CCBE1: variants seen among roughly 807,000 people sequenced by gnomAD.
CCBE1 encodes collagen and calcium binding EGF domains 1.
CCBE1 carries 37 observed loss-of-function variants against 50.0 expected under a neutral mutation model. The ratio of observed to expected loss-of-function variants is 0.74; its 90% CI spans 0.57 to 0.97. The LOEUF is 0.97. Ranked by LOEUF, CCBE1 falls within the 50% of genes least tolerant of loss-of-function variation. The probability of loss-of-function intolerance (pLI) is 0.00; values close to 1 mark genes in which losing one functional copy is unlikely to be tolerated. For synonymous variants in CCBE1, 234 were observed against 203.7 expected (o/e 1.15, Z -1.27); for missense variants, 538 against 523.8 (o/e 1.03, Z -0.26).
Position 59,439,541 on chromosome 18 carries a change from A to G in CCBE1, c.951+2T>C. 1 of 1,614,250 alleles carries G rather than the reference A, an allele frequency of 6.2e-7. No individual in the cohort carries two copies. The highest frequency in any genetic ancestry group is 8.5e-7 in the Non-Finnish European group (1 of 1,180,034). On this transcript the variant is annotated splice_donor_variant, in intron 9 of 10. Transcript: ENST00000439986. LOFTEE classifies it high-confidence loss of function. ...CTTGTGAGGACCACTCATAAGGCTTACCTTAGAACCATCTCTTCCTGGTGC... is the reference window on the plus strand; with the variant it reads ...CTTGTGAGGACCACTCATAAGGCTTGCCTTAGAACCATCTCTTCCTGGTGC...
intron 5 of CCBE1, among the ~76,000 whole-genome samples, chr18:59,466,338 G>A (rs992839681): frequency 6.6e-6 from 1 of 151,882 alleles, no homozygotes; most frequent in African/African-American, 2.4e-5. Flanking sequence ...CAGTTCTCCG[G>A]TACACGTTCT....
At chr18:59,437,057 T>C (rs1427141921) in intron 10 of CCBE1, among the ~76,000 whole-genome samples, 3 of 152,168 alleles carry the variant, frequency 2.0e-5, no homozygotes, top group Non-Finnish European at 2.9e-5. Context: ...CTAAATGAAG[T>C]TGAGAGGATG....
At chr18:59,476,924 G>A (rs985738419) in intron 3 of CCBE1, among the ~76,000 whole-genome samples, 1 of 152,144 alleles carries the variant, frequency 6.6e-6, no homozygotes, top group Non-Finnish European at 1.5e-5. Context: ...AGTGGGAGTG[G>A]CACCACTCAC....
intron 2 of CCBE1, among the ~76,000 whole-genome samples, chr18:59,639,940 G>A (rs140941547): frequency 6.6e-6 from 1 of 152,214 alleles, no homozygotes; most frequent in African/African-American, 2.4e-5. Context: ...TGAACAGGGA[G>A]GTGAAAGATC....
chr18:59,500,227 G>T (rs537054036), intron 2 of CCBE1, among the ~76,000 whole-genome samples: 12 of 152,328 alleles, frequency 7.9e-5, no homozygotes, highest in African/African-American at 2.9e-4. Context: ...CACACAGCAG[G>T]ATGCTTTCCC....
At chr18:59,541,961 G>T (rs1448599247) in intron 2 of CCBE1, among the ~76,000 whole-genome samples, 1 of 152,116 alleles carries the variant, frequency 6.6e-6, no homozygotes, top group Non-Finnish European at 1.5e-5. Context: ...TGGATAGCTT[G>T]AGCCCAGGAG....
Position 59,447,988 on chromosome 18 carries a change from G to A in CCBE1, c.770C>T (p.Pro257Leu). ...GPPGLPGGQG[P>L]PGSPGPKGSP... ...GTGCCCTCTTCCACACTCACCGGGA[G>A]GGCCCTGGCCCCCAGGCAGGCCAGG... The change falls in exon 7 of 11, where the codon CCT becomes CTT. Residue 257 changes from proline (P) to leucine (L), a missense_variant. Pro to Leu is a moderately conservative substitution (Grantham distance 98). Coordinates refer to ENST00000439986, the MANE Select transcript of CCBE1 (RefSeq NM_133459.4). The A allele has an allele frequency of 6.2e-7, 1 of 1,614,182 alleles. No individual in the cohort carries two copies. Among genetic ancestry groups the A allele is most frequent in the South Asian group, 1.1e-5 (1 of 91,076 alleles).
intron 4 of CCBE1, among the ~76,000 whole-genome samples, chr18:59,469,122 C>T (rs630722): frequency 0.75 from 113,406 of 152,136 alleles, 42,548 homozygotes; most frequent in East Asian, 0.99. Context: ...TTTTCCCCAA[C>T]CATCTTCTAA....
At chr18:59,550,811 G>C (rs540631750) in intron 2 of CCBE1, among the ~76,000 whole-genome samples, 1 of 151,774 alleles carries the variant, frequency 6.6e-6, no homozygotes, top group South Asian at 2.1e-4. Context: ...GGAGGATCAC[G>C]AAGTCAGGAG....
At chr18:59,635,231 C>A (rs141887971) in intron 2 of CCBE1, among the ~76,000 whole-genome samples, 2 of 152,166 alleles carry the variant, frequency 1.3e-5, no homozygotes, top group Non-Finnish European at 2.9e-5. Flanking sequence ...TGATGGGAAG[C>A]CCCTAGCAAT....
intron 2 of CCBE1, among the ~76,000 whole-genome samples, chr18:59,580,892 G>A (rs2053074737): frequency 6.6e-6 from 1 of 152,190 alleles, no homozygotes; most frequent in Admixed American, 6.5e-5. Flanking sequence ...GGGGGGCCTG[G>A]CTTGCGACTT....
intron 7 of CCBE1, among the ~76,000 whole-genome samples, chr18:59,446,912 G>A (rs1910697078): frequency 6.6e-6 from 1 of 152,228 alleles, no homozygotes; most frequent in Non-Finnish European, 1.5e-5. Flanking sequence ...AGCAATGATA[G>A]CCAGGGATAA....
chr18:59,561,277 G>A (rs1457296102), intron 2 of CCBE1, among the ~76,000 whole-genome samples: 2 of 152,174 alleles, frequency 1.3e-5, no homozygotes, highest in Non-Finnish European at 2.9e-5. Flanking sequence ...TTATGTGTCA[G>A]GTTTATATGT....
intron 2 of CCBE1, among the ~76,000 whole-genome samples, chr18:59,654,417 C>G (rs116277727): frequency 0.025 from 3,829 of 152,076 alleles, 173 homozygotes; most frequent in African/African-American, 0.087. Context: ...CTTGAGGTCA[C>G]GAGTTCGAAA....
rs1598925203 is a variant in CCBE1 at position 59,466,986 on chromosome 18, T to C, written c.401-95A>G. On this transcript the variant is annotated intron_variant, in intron 4 of 10. Transcript: ENST00000439986. Reference sequence around the variant, plus strand: ...GGCTTTGCCTCTCTGTTAATAACAATGAAGGACACTTGGGCCGACCTTGAT... The same window carrying C: ...GGCTTTGCCTCTCTGTTAATAACAACGAAGGACACTTGGGCCGACCTTGAT... 4.5e-6 allele frequency: 5 copies of C among 1,120,104 alleles called. No individual in the cohort carries two copies. In the East Asian group the frequency reaches 7.3e-5, roughly 16 times the overall value. The allele number at this position is 1,120,104 out of a possible 1,614,324, so 69.4% of individuals were successfully genotyped here. A position where few individuals can be genotyped will look rare whatever the true frequency, so the allele number is the denominator to read the frequency against.
intron 2 of CCBE1, among the ~76,000 whole-genome samples, chr18:59,693,788 T>C (rs2054768300): frequency 1.3e-5 from 2 of 152,048 alleles, no homozygotes; most frequent in South Asian, 4.1e-4. Context: ...GATTAGGATG[T>C]TTATTCCACA....
intron 2 of CCBE1, among the ~76,000 whole-genome samples, chr18:59,514,091 C>G (rs1252318188): frequency 6.6e-6 from 1 of 152,206 alleles, no homozygotes; most frequent in Non-Finnish European, 1.5e-5. Flanking sequence ...CACCATATGC[C>G]TATCGCAAAT....
rs185587144 is a variant in CCBE1 at position 59,669,725 on chromosome 18, G to A, written c.212+26904C>T. On this transcript the variant is annotated intron_variant, in intron 2 of 10. Coordinates refer to ENST00000439986, the MANE Select transcript of CCBE1 (RefSeq NM_133459.4). ...TTCAGGTTCCCTCACATCTCTCCCCGAACTTCCGGAGGGGCACTGGAGTTA... is the reference window on the plus strand; with the variant it reads ...TTCAGGTTCCCTCACATCTCTCCCCAAACTTCCGGAGGGGCACTGGAGTTA... Among the ~76,000 whole-genome samples, 20 of 152,304 alleles carry A rather than the reference G, an allele frequency of 1.3e-4. No homozygotes were observed. In the East Asian group the frequency reaches 3.1e-3, roughly 24 times the overall value.
At chr18:59,527,953 T>C (rs1914894506) in intron 2 of CCBE1, among the ~76,000 whole-genome samples, 1 of 152,188 alleles carries the variant, frequency 6.6e-6, no homozygotes, top group Admixed American at 6.5e-5. Flanking sequence ...TGATTGTGTG[T>C]CGTGGGGTTG....
Sources: gnomAD v4.1 joint callset for allele counts (sites outside exome capture counted in the v4.1 genomes callset) on GRCh38, gnomAD v4.1.1 for gene constraint, MANE v1.5 for transcripts, NCBI Gene and HGNC (gene_info 2026-07-23, HGNC 2026-07-21) for gene names.